The following EFL1 variants were observed in gnomAD, a reference collection of about 807,000 sequenced individuals.
EFL1 encodes elongation factor like GTPase 1.
Under a neutral mutation model 126.7 loss-of-function variants are expected in EFL1, and 76 were observed. That is an observed-to-expected ratio of 0.60 (90% CI 0.50 to 0.73). The LOEUF (loss-of-function observed/expected upper bound fraction) is 0.73, where lower values mean the gene tolerates loss of function less well. Among genes scored for constraint, EFL1 ranks in the 30% least tolerant of loss-of-function variants. The probability of loss-of-function intolerance (pLI) is 0.00; values close to 1 mark genes in which losing one functional copy is unlikely to be tolerated. For synonymous variants in EFL1, 410 were observed against 448.4 expected (o/e 0.91, Z 1.08); for missense variants, 1,128 against 1,343.2 (o/e 0.84, Z 2.50).
At position 82,170,207 on chromosome 15, in the gene EFL1, C is replaced by T. The variant is rs542226258; in HGVS notation, c.1751-6223G>A. 1.1e-4 allele frequency among the ~76,000 whole-genome samples: 17 copies of T among 148,278 alleles called. No individual in the cohort carries two copies. In the South Asian group the frequency reaches 3.2e-3, roughly 28 times the overall value. On this transcript the variant is annotated intron_variant, in intron 15 of 19. Transcript: ENST00000268206. ...TCGGCTCACTGCAAGCTCCGCCTCC[C>T]GGGTTCATGCCATTCTCCTGCCTCA...
intron 17 of EFL1, among the ~76,000 whole-genome samples, chr15:82,156,017 G>C (rs72749536): frequency 6.6e-6 from 1 of 152,044 alleles, no homozygotes; most frequent in Non-Finnish European, 1.5e-5. Flanking sequence ...CTAACCCTGC[G>C]GTCAGCCTCC....
intron 15 of EFL1, among the ~76,000 whole-genome samples, chr15:82,205,440 G>A (rs1035226397): frequency 2.0e-5 from 3 of 152,016 alleles, no homozygotes; most frequent in Non-Finnish European, 4.4e-5. Flanking sequence ...TATAAACCTT[G>A]TATTATTGAC....
chr15:82,222,986 A>G (rs2074727277), intron 12 of EFL1, among the ~76,000 whole-genome samples: 1 of 152,192 alleles, frequency 6.6e-6, no homozygotes, highest in Non-Finnish European at 1.5e-5. Context: ...ACAGTCCCAC[A>G]CTTCATTTAC....
At chr15:82,228,115 C>A in intron 10 of EFL1, 76 bp downstream of exon 10, 1 of 1,491,738 alleles carries the variant, frequency 6.7e-7, no homozygotes, top group Non-Finnish European at 8.9e-7. Context: ...CAGAGAATTT[C>A]TTGGTTACCA....
At chr15:82,166,399 T>C (rs551611619) in intron 15 of EFL1, among the ~76,000 whole-genome samples, 1 of 152,226 alleles carries the variant, frequency 6.6e-6, no homozygotes, top group Admixed American at 6.5e-5. Flanking sequence ...ACAATGTTCA[T>C]AGCTAAGATT....
At chr15:82,260,566 ATTAATGATC>A (rs2075103975) in intron 2 of EFL1, among the ~76,000 whole-genome samples, 1 of 152,240 alleles carries the variant, frequency 6.6e-6, no homozygotes, top group South Asian at 2.1e-4. Flanking sequence ...AATAGTAGAC[ATTAATGATC>A]GTTTTCATGG....
chr15:82,236,535 T>G (rs943178034), intron 7 of EFL1, among the ~76,000 whole-genome samples: 1 of 152,192 alleles, frequency 6.6e-6, no homozygotes, highest in South Asian at 2.1e-4. Context: ...CCAAGTGATT[T>G]TGACAAAGGC....
Position 82,163,897 on chromosome 15 carries a change from T to C in EFL1, c.1838A>G (p.Glu613Gly). ...SCPPFIPLNF[E>G]ATPIVRVAVE... Reference sequence around the variant, plus strand: ...AGCAACTCTCACAATAGGAGTGGCTTCGAAGTTGAGTGGTATAAATGGTGG... The same window carrying C: ...AGCAACTCTCACAATAGGAGTGGCTCCGAAGTTGAGTGGTATAAATGGTGG... The change falls in exon 16 of 20, where the codon GAA becomes GGA. Residue 613 changes from glutamate to glycine, a missense_variant. Glu to Gly is a moderately conservative substitution (Grantham distance 98). Around this residue, in one of 6 missense-constraint regions of EFL1, gnomAD observed 561 missense variants for 641.7 expected, o/e 0.87. Coordinates refer to ENST00000268206, the MANE Select transcript of EFL1 (RefSeq NM_024580.6). The C allele has an allele frequency of 6.2e-7, 1 of 1,614,150 alleles. No individual in the cohort carries two copies. The highest frequency in any genetic ancestry group is 2.2e-5 in the East Asian group (1 of 44,882).
intron 12 of EFL1, among the ~76,000 whole-genome samples, chr15:82,223,899 C>A (rs184729774): frequency 6.6e-6 from 1 of 152,286 alleles, no homozygotes; most frequent in East Asian, 1.9e-4. Flanking sequence ...ATTTACTCAC[C>A]CATCTATTCC....
chr15:82,130,636 T>A, intron 19 of EFL1, 75 bp from the exon 20 acceptor site: 1 of 1,489,768 alleles, frequency 6.7e-7, no homozygotes, highest in Non-Finnish European at 9.2e-7. Context: ...AGCTCCCCAA[T>A]TTATATAGTC....
chr15:82,136,444 G>A (rs1265940453), intron 19 of EFL1, among the ~76,000 whole-genome samples: 1 of 152,142 alleles, frequency 6.6e-6, no homozygotes, highest in African/African-American at 2.4e-5. Flanking sequence ...CAACAGTAAC[G>A]CCAATGAAGA....
At chr15:82,193,791 A>T (rs1194708647) in intron 15 of EFL1, among the ~76,000 whole-genome samples, 1 of 152,184 alleles carries the variant, frequency 6.6e-6, no homozygotes, top group African/African-American at 2.4e-5. Flanking sequence ...GGAAATACAC[A>T]TGGCTCAATC....
intron 4 of EFL1, among the ~76,000 whole-genome samples, chr15:82,251,815 T>C (rs2075023977): frequency 6.6e-6 from 1 of 152,172 alleles, no homozygotes; most frequent in Admixed American, 6.5e-5. Context: ...GGAAATAAAA[T>C]TTATCTTTAT....
rs1390755184 is a variant in EFL1 at position 82,138,696 on chromosome 15, C to T, written c.3136G>A (p.Gly1046Ser). 2 of 1,613,948 alleles carry T rather than the reference C, an allele frequency of 1.2e-6. No homozygotes were observed. The highest frequency in any genetic ancestry group is 1.7e-6 in the Non-Finnish European group (2 of 1,179,898). ...FADEIRKRTS[G>S]LASPQLVFSH... ...AATACTAGTTGTGGGCTGGCCAGGC[C>T]ACTTGTCCTCTTCCTGATTTCATCA... is the stretch of plus-strand genomic sequence containing the variant. The change falls in exon 19 of 20, where the codon GGC (glycine) becomes AGC (serine). Residue 1046 changes from glycine to serine, a missense_variant. Transcript: ENST00000268206.
Position 82,227,534 on chromosome 15 carries a change from T to C in EFL1, c.1108A>G (p.Thr370Ala), listed in dbSNP as rs2074777437. The change falls in exon 11 of 20, where the codon ACA (threonine) becomes GCA (alanine). Residue 370 changes from threonine (T) to alanine (A), a missense_variant. By Grantham distance (58) the Thr-to-Ala change is moderately conservative. Coordinates refer to ENST00000268206, the MANE Select transcript of EFL1 (RefSeq NM_024580.6). ...CQKLPSPLDI[T>A]AERVERLMCT... ...ATCAGTCTCTCCACTCTCTCAGCTG[T>C]AATATCAAGGGGACTAGGAAGTTTC... The C allele has an allele frequency of 6.2e-7, 1 of 1,614,032 alleles. No individual in the cohort carries two copies. Among genetic ancestry groups the C allele is most frequent in the African/African-American group, 1.3e-5 (1 of 74,926 alleles).
intron 11 of EFL1, 28 bp from the exon 12 acceptor site, chr15:82,225,292 C>T: frequency 7.2e-7 from 1 of 1,397,610 alleles, no homozygotes; most frequent in Non-Finnish European, 9.7e-7. Context: ...AAAAATGTCA[C>T]TATTTTTCCC....
intron 18 of EFL1, among the ~76,000 whole-genome samples, chr15:82,147,626 TG>T (rs2073862132): frequency 1.9e-5 from 1 of 52,260 alleles, no homozygotes; most frequent in Non-Finnish European, 3.4e-5. Context: ...GGGGCAATAG[TG>T]AAAAAAAAAA....
intron 19 of EFL1, among the ~76,000 whole-genome samples, chr15:82,137,833 T>C (rs763696669): frequency 6.6e-6 from 1 of 152,246 alleles, no homozygotes; most frequent in Non-Finnish European, 1.5e-5. Flanking sequence ...TGCAGTTTGT[T>C]TTTACCAGCC....
At position 82,210,008 on chromosome 15, in the gene EFL1, C is replaced by T. The variant is rs147547489; in HGVS notation, c.1750+4709G>A. ...TTTATGATGAAAAGCATATGGGTAC[C>T]GATCATATTGGTCTCCACTATTTTC... is the stretch of plus-strand genomic sequence containing the variant. On this transcript the variant is annotated intron_variant, in intron 15 of 19. Coordinates refer to ENST00000268206, the MANE Select transcript of EFL1 (RefSeq NM_024580.6). Among the ~76,000 whole-genome samples the T allele has an allele frequency of 5.5e-4, 84 of 152,164 alleles. No individual in the cohort carries two copies. In the East Asian group the frequency reaches 0.012, roughly 22 times the overall value.
Sources: allele counts gnomAD v4.1 joint callset (sites outside exome capture counted in the v4.1 genomes callset), GRCh38; gene constraint gnomAD v4.1.1; regional missense constraint gnomAD v4.1.1; transcripts MANE v1.5; gene names NCBI Gene and HGNC (gene_info 2026-07-23, HGNC 2026-07-21).